Variants in CMTM8 observed in about 807,000 individuals in gnomAD.
CMTM8 encodes CKLF like MARVEL transmembrane domain containing 8.
In CMTM8, 12 loss-of-function variants were observed where a neutral mutation model predicts 18.6. The ratio of observed to expected loss-of-function variants is 0.65; its 90% CI spans 0.41 to 1.05. The LOEUF is 1.05. Among genes scored for constraint, CMTM8 ranks in the 50% least tolerant of loss-of-function variants. The pLI is 0.00. For missense variants in CMTM8, 217 were observed against 227.2 expected (o/e 0.95, Z 0.29); for synonymous variants, 87 against 90.6 (o/e 0.96, Z 0.23).
chr3:32,263,970 C>G (rs1481275950), intron 1 of CMTM8, among the ~76,000 whole-genome samples: 3 of 152,224 alleles, frequency 2.0e-5, no homozygotes, highest in Admixed American at 2.0e-4. Flanking sequence ...AAATCTATGT[C>G]TGATTGGTGT....
At chr3:32,360,940 A>G (rs1696910926) in intron 2 of CMTM8, among the ~76,000 whole-genome samples, 1 of 152,174 alleles carries the variant, frequency 6.6e-6, no homozygotes, top group South Asian at 2.1e-4. Context: ...TAGATCCATA[A>G]TCTCTGAGTC....
intron 1 of CMTM8, among the ~76,000 whole-genome samples, chr3:32,282,104 C>T (rs1052693037): frequency 6.6e-6 from 1 of 152,202 alleles, no homozygotes; most frequent in Non-Finnish European, 1.5e-5. Context: ...TCTGCCCACT[C>T]ACCATCTCTT....
At chr3:32,258,223 T>C (rs1028066863) in intron 1 of CMTM8, among the ~76,000 whole-genome samples, 1 of 152,188 alleles carries the variant, frequency 6.6e-6, no homozygotes, top group East Asian at 1.9e-4. Flanking sequence ...CCCTTGCTTA[T>C]CATAGTTTGT....
chr3:32,360,093 CA>C (rs1681377250), intron 2 of CMTM8, among the ~76,000 whole-genome samples: 1 of 152,168 alleles, frequency 6.6e-6, no homozygotes, highest in Non-Finnish European at 1.5e-5. Flanking sequence ...GCCTCCAGGT[CA>C]GGGGTTGCAC....
intron 1 of CMTM8, among the ~76,000 whole-genome samples, chr3:32,301,355 T>C (rs1000751913): frequency 1.5e-4 from 21 of 138,750 alleles, no homozygotes; most frequent in African/African-American, 5.7e-4. Context: ...AAAAAAAAAT[T>C]ATACTTTGAC....
chr3:32,280,404 G>C lies in CMTM8; in HGVS notation c.147+41285G>C, dbSNP rs147080741. Among the ~76,000 whole-genome samples the C allele has an allele frequency of 4.2e-3, 632 of 152,134 alleles. 8 individuals carry two copies. The highest frequency in any genetic ancestry group is 0.014 in the African/African-American group (599 of 41,492). ...TCTGCAACCAATCAGACTGGTCGTG[G>C]GCCTAGTCTTTATTTGCATAGGGGT... On this transcript the variant is annotated intron_variant, in intron 1 of 3. Transcript: ENST00000307526.
At chr3:32,354,420 G>C (rs1199828260) in intron 1 of CMTM8, among the ~76,000 whole-genome samples, 1 of 152,172 alleles carries the variant, frequency 6.6e-6, no homozygotes, top group African/African-American at 2.4e-5. Context: ...GTGAGGTCAT[G>C]GGTCAAGTAT....
chr3:32,354,520 G>A (rs2125597417), intron 1 of CMTM8, among the ~76,000 whole-genome samples: 1 of 152,300 alleles, frequency 6.6e-6, no homozygotes, highest in African/African-American at 2.4e-5. Context: ...TGCAGACCTG[G>A]ACAGCAGGCT....
chr3:32,352,937 G>A (rs571138207), intron 1 of CMTM8, among the ~76,000 whole-genome samples: 3 of 151,838 alleles, frequency 2.0e-5, no homozygotes, highest in Non-Finnish European at 4.4e-5. Flanking sequence ...TCTGGTGAAG[G>A]TGCAAAAGCA....
At chr3:32,278,284 GT>G (rs766123597) in intron 1 of CMTM8, among the ~76,000 whole-genome samples, 1 of 152,168 alleles carries the variant, frequency 6.6e-6, no homozygotes, top group Admixed American at 6.6e-5. Flanking sequence ...CCTCATCTAC[GT>G]GGCCATGTGA....
chr3:32,324,210 A>G (rs1419860088), intron 1 of CMTM8, among the ~76,000 whole-genome samples: 1 of 152,064 alleles, frequency 6.6e-6, no homozygotes, highest in Non-Finnish European at 1.5e-5. Context: ...CTATTACCCC[A>G]TTTATTTAAG....
intron 1 of CMTM8, among the ~76,000 whole-genome samples, chr3:32,338,462 A>T (rs1180280781): frequency 6.6e-6 from 1 of 152,184 alleles, no homozygotes; most frequent in Non-Finnish European, 1.5e-5. Context: ...GTTCTCTGGA[A>T]GAAAAAACAT....
At chr3:32,289,346 A>G (rs985226240) in intron 1 of CMTM8, among the ~76,000 whole-genome samples, 1 of 152,240 alleles carries the variant, frequency 6.6e-6, no homozygotes, top group African/African-American at 2.4e-5. Flanking sequence ...AAGTTTGAGA[A>G]TGAACTCTGC....
At chr3:32,258,595 G>T (rs932666441) in intron 1 of CMTM8, among the ~76,000 whole-genome samples, 6 of 151,872 alleles carry the variant, frequency 4.0e-5, no homozygotes, top group African/African-American at 1.5e-4. Context: ...CTAAAGCCTC[G>T]ACCTCCCAGG....
At chr3:32,252,561 A>G (rs1489793490) in intron 1 of CMTM8, among the ~76,000 whole-genome samples, 2 of 152,206 alleles carry the variant, frequency 1.3e-5, no homozygotes, top group East Asian at 3.8e-4. Flanking sequence ...AGTTTTTTCC[A>G]GATGAATCTT....
chr3:32,336,803 G>T (rs972138368), intron 1 of CMTM8, among the ~76,000 whole-genome samples: 6 of 149,006 alleles, frequency 4.0e-5, no homozygotes. Context: ...TCTCCTCTTT[G>T]CCTTTTATTC....
At chr3:32,267,479 G>A (rs1702367372) in intron 1 of CMTM8, among the ~76,000 whole-genome samples, 1 of 152,080 alleles carries the variant, frequency 6.6e-6, no homozygotes, top group East Asian at 1.9e-4. Flanking sequence ...TAAATGTTAG[G>A]CCTAAAACCA....
At chr3:32,356,385 A>T (rs896199876) in intron 1 of CMTM8, among the ~76,000 whole-genome samples, 2 of 152,172 alleles carry the variant, frequency 1.3e-5, no homozygotes, top group Non-Finnish European at 1.5e-5. Context: ...AGGTGCTAGA[A>T]TGTGAGTGCA....
At chr3:32,238,600 GT>G (rs1701899300), upstream of CMTM8, 2 of 162,452 alleles carry the variant, frequency 1.2e-5, no homozygotes, top group South Asian at 4.0e-4. Context: ...GAGGGCGGGC[GT>G]CCGCGGCGCC....
Sources: gnomAD v4.1 joint callset for allele counts (sites outside exome capture counted in the v4.1 genomes callset) on GRCh38, gnomAD v4.1.1 for gene constraint, MANE v1.5 for transcripts, NCBI Gene and HGNC (gene_info 2026-07-23, HGNC 2026-07-21) for gene names.